NTM: variants seen among roughly 807,000 people sequenced by gnomAD.
The protein encoded by NTM is neurotrimin.
In NTM, 13 loss-of-function variants were observed where a neutral mutation model predicts 42.1. That is an observed-to-expected ratio of 0.31 (90% confidence interval 0.20 to 0.49). NTM has a LOEUF of 0.49. Ranked by LOEUF, NTM falls within the 20% of genes least tolerant of loss-of-function variation. The probability of loss-of-function intolerance (pLI) is 0.99; values close to 1 mark genes in which losing one functional copy is unlikely to be tolerated. For missense variants in NTM, 373 were observed against 452.8 expected, an observed-to-expected ratio of 0.82 and a Z score of 1.60; for synonymous variants, 187 against 179.2, an observed-to-expected ratio of 1.04 and a Z score of -0.35.
intron 1 of NTM, among the ~76,000 whole-genome samples, chr11:131,391,646 A>G (rs1410956925): frequency 4.2e-5 from 6 of 141,584 alleles, no homozygotes; most frequent in African/African-American, 1.5e-4. Flanking sequence ...TTATCTGGGA[A>G]AAAAAAAAAA....
At chr11:132,207,684 C>T (rs1052667380) in intron 3 of NTM, among the ~76,000 whole-genome samples, 5 of 152,120 alleles carry the variant, frequency 3.3e-5, no homozygotes, top group African/African-American at 1.2e-4. Context: ...TGTGCCTGGC[C>T]ACAAAATGTC....
intron 1 of NTM, among the ~76,000 whole-genome samples, chr11:131,815,168 C>T (rs1266910457): frequency 6.6e-6 from 1 of 152,176 alleles, no homozygotes; most frequent in African/African-American, 2.4e-5. Flanking sequence ...TTTCCCGGCC[C>T]TCTCATCCCC....
chr11:132,272,792 G>A (rs2093543803), intron 4 of NTM, among the ~76,000 whole-genome samples: 1 of 151,868 alleles, frequency 6.6e-6, no homozygotes, highest in East Asian at 1.9e-4. Flanking sequence ...AGTTTTCACT[G>A]TATATAAGAT....
At chr11:132,182,307 G>C (rs1592068752) in intron 3 of NTM, among the ~76,000 whole-genome samples, 1 of 152,204 alleles carries the variant, frequency 6.6e-6, no homozygotes, top group Non-Finnish European at 1.5e-5. Context: ...TGACTGGAGA[G>C]GACTTTCATA....
chr11:131,612,813 A>T (rs1179788487), intron 1 of NTM, among the ~76,000 whole-genome samples: 1 of 152,162 alleles, frequency 6.6e-6, no homozygotes, highest in African/African-American at 2.4e-5. Context: ...TCTCTGGCTG[A>T]GTCTCTGGGC....
intron 1 of NTM, among the ~76,000 whole-genome samples, chr11:131,498,192 A>G (rs1278607226): frequency 6.6e-6 from 1 of 152,180 alleles, no homozygotes; most frequent in Non-Finnish European, 1.5e-5. Flanking sequence ...GGAGGTTGGA[A>G]GTAAGGGCTC....
chr11:131,914,812 T>C (rs1171380768), intron 2 of NTM, among the ~76,000 whole-genome samples: 1 of 152,256 alleles, frequency 6.6e-6, no homozygotes, highest in East Asian at 1.9e-4. Context: ...CCAATGTTAA[T>C]TGAGTGCTCA....
In NTM at chr11:131,756,472, C is replaced by T. The variant is rs561433657; in HGVS notation, c.83-155092C>T. 2.8e-4 allele frequency among the ~76,000 whole-genome samples: 42 copies of T among 150,784 alleles called. 1 individual carries two copies. In the South Asian group the frequency reaches 8.1e-3, roughly 29 times the overall value. On this transcript the variant is annotated intron_variant, in intron 1 of 8. Transcript: ENST00000683400. The stretch of plus-strand genomic sequence containing the variant: ...TCTGGAGACGGAGGTTGCAGTGAGC[C>T]GAGATCACGCCACTGCACTCCAGCC...
chr11:131,549,938 T>C (rs780212948), intron 1 of NTM, among the ~76,000 whole-genome samples: 1 of 152,188 alleles, frequency 6.6e-6, no homozygotes, highest in Non-Finnish European at 1.5e-5. Flanking sequence ...TGTATTATGC[T>C]AGTACAGCTA....
intron 1 of NTM, among the ~76,000 whole-genome samples, chr11:131,822,752 G>A (rs1168974604): frequency 1.3e-5 from 2 of 152,146 alleles, no homozygotes; most frequent in Admixed American, 1.3e-4. Flanking sequence ...TATTCCATAG[G>A]ATAGGGCAAA....
intron 1 of NTM, among the ~76,000 whole-genome samples, chr11:131,385,565 T>C (rs773917328): frequency 1.3e-5 from 2 of 152,128 alleles, no homozygotes; most frequent in Non-Finnish European, 2.9e-5. Flanking sequence ...CTCAAAAAGC[T>C]AAACAGGCTG....
chr11:131,934,850 G>A (rs115163606), intron 2 of NTM, among the ~76,000 whole-genome samples: 1 of 152,186 alleles, frequency 6.6e-6, no homozygotes, highest in South Asian at 2.1e-4. Flanking sequence ...AGACAGACCT[G>A]CAGGGTCTGT....
At chr11:132,055,045 A>G (rs1158882735) in intron 2 of NTM, among the ~76,000 whole-genome samples, 2 of 152,234 alleles carry the variant, frequency 1.3e-5, no homozygotes, top group Non-Finnish European at 2.9e-5. Context: ...CCACTGTTAC[A>G]TCTACATTGC....
intron 2 of NTM, among the ~76,000 whole-genome samples, chr11:132,135,191 C>A (rs1160179841): frequency 2.0e-5 from 3 of 152,168 alleles, no homozygotes; most frequent in Non-Finnish European, 1.5e-5. Flanking sequence ...AGGGCCCCCA[C>A]TCCCGGCTTC....
At chr11:131,712,392 T>C (rs570008471) in intron 1 of NTM, among the ~76,000 whole-genome samples, 1 of 152,202 alleles carries the variant, frequency 6.6e-6, no homozygotes. Context: ...AACTTCTGTG[T>C]ATATATTTAT....
chr11:131,598,736 T>TTTCTTTCTTTCTTTC (rs2060081984), intron 1 of NTM, among the ~76,000 whole-genome samples: 2 of 88,668 alleles, frequency 2.3e-5, no homozygotes, highest in Admixed American at 1.2e-4. Flanking sequence ...TCTTTCTTTC[T>TTTCTTTCTTTCTTTC]TTCTTTCTTT....
At chr11:132,060,232 T>C (rs1476715620) in intron 2 of NTM, among the ~76,000 whole-genome samples, 2 of 152,222 alleles carry the variant, frequency 1.3e-5, no homozygotes, top group East Asian at 3.9e-4. Context: ...TCTAGATTCT[T>C]TCAACACTTA....
At chr11:132,243,029 A>G (rs1343280923) in intron 4 of NTM, among the ~76,000 whole-genome samples, 1 of 152,160 alleles carries the variant, frequency 6.6e-6, no homozygotes, top group African/African-American at 2.4e-5. Context: ...TTGCCCCTCA[A>G]TTTTAAGAAG....
At chr11:131,555,971 G>A (rs1038342765) in intron 1 of NTM, among the ~76,000 whole-genome samples, 14 of 152,174 alleles carry the variant, frequency 9.2e-5, no homozygotes, top group African/African-American at 9.7e-5. Flanking sequence ...GTTTATGACC[G>A]AGAGGAAGTT....
Sources: allele counts gnomAD v4.1 joint callset (sites outside exome capture counted in the v4.1 genomes callset), GRCh38; gene constraint gnomAD v4.1.1; transcripts MANE v1.5; gene names NCBI Gene and HGNC (gene_info 2026-07-23, HGNC 2026-07-21).